Variants in SLC35F3 observed in about 807,000 individuals in gnomAD.
SLC35F3 encodes putative thiamine transporter SLC35F3.
A neutral mutation model predicts 49.9 loss-of-function variants in SLC35F3; 25 were observed. The ratio of observed to expected loss-of-function variants is 0.50; its 90% CI spans 0.37 to 0.70. The LOEUF (loss-of-function observed/expected upper bound fraction) is 0.70. Ranked by LOEUF, SLC35F3 falls within the 30% of genes least tolerant of loss-of-function variation. The pLI is 0.00. For synonymous variants in SLC35F3, 275 were observed against 265.4 expected (o/e 1.04, Z -0.35); for missense variants, 525 against 639.8 (o/e 0.82, Z 1.94).
At chr1:234,176,856 A>G (rs979983599) in intron 2 of SLC35F3, among the ~76,000 whole-genome samples, 20 of 149,828 alleles carry the variant, frequency 1.3e-4, no homozygotes, top group African/African-American at 4.9e-4. Flanking sequence ...GACTACTATA[A>G]CCATGTTCCA....
intron 2 of SLC35F3, among the ~76,000 whole-genome samples, chr1:233,956,475 GGGGAAA>G (rs1177894060): frequency 1.3e-5 from 2 of 152,186 alleles, no homozygotes; most frequent in Non-Finnish European, 2.9e-5. Flanking sequence ...TATGGTTGTG[GGGGAAA>G]GGCAATGTTT....
At chr1:233,994,922 T>C (rs1484173089) in intron 2 of SLC35F3, among the ~76,000 whole-genome samples, 2 of 152,200 alleles carry the variant, frequency 1.3e-5, no homozygotes, top group African/African-American at 4.8e-5. Context: ...ACACAGATTC[T>C]GGAGATAGCT....
In SLC35F3 at chr1:233,957,378, G is replaced by A. The variant is rs1662722213; in HGVS notation, c.283+51620G>A. On this transcript the variant is annotated intron_variant, in intron 2 of 7. Coordinates refer to ENST00000366618, the MANE Select transcript of SLC35F3 (RefSeq NM_173508.4). The surrounding 1 kb of genome is among the most constrained non-coding windows in gnomAD (Gnocchi z 4.0). ...CTGATGCGCTACTCAGTTCATCAGG[G>A]TGTGGGCTCTGTCACCTTTGTAGCC... Among the ~76,000 whole-genome samples, 1 of 152,188 alleles carries A rather than the reference G, an allele frequency of 6.6e-6. No individual in the cohort carries two copies. The highest frequency in any genetic ancestry group is 1.5e-5 in the Non-Finnish European group (1 of 68,024).
At chr1:234,268,873 C>T (rs951665440) in intron 3 of SLC35F3, 1 of 152,264 alleles carries the variant, frequency 6.6e-6, no homozygotes, top group Non-Finnish European at 1.5e-5. Flanking sequence ...CAGATTAATA[C>T]AGTGTGATTC....
intron 2 of SLC35F3, among the ~76,000 whole-genome samples, chr1:234,140,001 A>AAAAAAAT (rs1489476462): frequency 6.3e-5 from 9 of 142,328 alleles, no homozygotes; most frequent in African/African-American, 2.3e-4. Context: ...AAATAAAATA[A>AAAAAAAT]AGTAAGTGAC....
At chr1:234,170,820 G>T (rs901578085) in intron 2 of SLC35F3, among the ~76,000 whole-genome samples, 1 of 151,608 alleles carries the variant, frequency 6.6e-6, no homozygotes, top group East Asian at 1.9e-4. Flanking sequence ...TTGCACGAAC[G>T]CAATTTCCTT....
intron 2 of SLC35F3, among the ~76,000 whole-genome samples, chr1:234,221,590 G>A (rs1202263230): frequency 6.6e-6 from 1 of 152,210 alleles, no homozygotes; most frequent in African/African-American, 2.4e-5. Context: ...ACTTGAAGAG[G>A]TGGGAAAGGG....
At chr1:233,907,566 G>T (rs1485652721) in intron 2 of SLC35F3, among the ~76,000 whole-genome samples, 1 of 152,200 alleles carries the variant, frequency 6.6e-6, no homozygotes, top group African/African-American at 2.4e-5. Flanking sequence ...TTCCTGTGAG[G>T]ATTCTTCTTT....
chr1:234,060,059 A>C (rs1572036285), intron 2 of SLC35F3, among the ~76,000 whole-genome samples: 1 of 152,370 alleles, frequency 6.6e-6, no homozygotes, highest in South Asian at 2.1e-4. Context: ...TAACCGTCAC[A>C]GATCCCAGTG....
Position 234,219,649 on chromosome 1 carries a change from G to A in SLC35F3, c.284-11768G>A, listed in dbSNP as rs865875681. Among the ~76,000 whole-genome samples the A allele has an allele frequency of 6.2e-4, 95 of 152,276 alleles. 1 individual carries two copies. Among genetic ancestry groups the A allele is most frequent in the African/African-American group, 2.0e-3 (83 of 41,560 alleles). On this transcript the variant is annotated intron_variant, in intron 2 of 7. Coordinates refer to ENST00000366618, the MANE Select transcript of SLC35F3 (RefSeq NM_173508.4). ...GGGTGAACTCAGTTCTGGCTGGGAC[G>A]CAGATGGCCCCTGCGCAGCACTCTT... is the stretch of plus-strand genomic sequence containing the variant.
chr1:234,318,029 G>A (rs1273767053), intron 5 of SLC35F3, among the ~76,000 whole-genome samples: 1 of 152,180 alleles, frequency 6.6e-6, no homozygotes, highest in African/African-American at 2.4e-5. Context: ...AATGAGTTGG[G>A]AAATGGCTGA....
At chr1:234,196,864 C>T (rs1328372372) in intron 2 of SLC35F3, among the ~76,000 whole-genome samples, 1 of 152,156 alleles carries the variant, frequency 6.6e-6, no homozygotes, top group Admixed American at 6.5e-5. Flanking sequence ...ATTGCTTGGA[C>T]CTGGGAGGCG....
rs566089449 is a variant in SLC35F3 at position 234,295,975 on chromosome 1, G to A, written c.609-13126G>A. 1.6e-4 allele frequency among the ~76,000 whole-genome samples: 24 copies of A among 152,356 alleles called. 1 individual carries two copies. Among genetic ancestry groups the A allele is most frequent in the Middle Eastern group, 6.8e-3 (2 of 294 alleles). On this transcript the variant is annotated intron_variant, in intron 3 of 7. Coordinates refer to ENST00000366618, the MANE Select transcript of SLC35F3 (RefSeq NM_173508.4). ...GGATATAAATGCTGTTGGATCATGT[G>A]TTATACAAATGTATTCCTGGTTCAT...
intron 3 of SLC35F3, among the ~76,000 whole-genome samples, chr1:234,257,966 C>G (rs1173420242): frequency 2.0e-5 from 3 of 152,116 alleles, no homozygotes; most frequent in Admixed American, 6.5e-5. Flanking sequence ...TACAGGAAAC[C>G]CTTGGTTTTG....
At chr1:234,017,643 G>A (rs1663823683) in intron 2 of SLC35F3, among the ~76,000 whole-genome samples, 2 of 150,550 alleles carry the variant, frequency 1.3e-5, no homozygotes, top group South Asian at 4.3e-4. Flanking sequence ...GAACCCATGA[G>A]GCGGAGCTTG....
chr1:234,269,181 CATT>C (rs1406505616), intron 3 of SLC35F3, among the ~76,000 whole-genome samples: 4 of 152,104 alleles, frequency 2.6e-5, no homozygotes, highest in Admixed American at 6.5e-5. Flanking sequence ...AAGAATATTT[CATT>C]TAATATTTTA....
At position 234,232,879 on chromosome 1, in the gene SLC35F3, G is replaced by A. The variant is rs79413213; in HGVS notation, c.608+1138G>A. On this transcript the variant is annotated intron_variant, in intron 3 of 7. Coordinates refer to ENST00000366618, the MANE Select transcript of SLC35F3 (RefSeq NM_173508.4). ...CCTGTAAACTTGTAGCTGGAAGTAC[G>A]GGTGTGATACTTTTTTAATGTTCAG... Among the ~76,000 whole-genome samples, 105 of 152,260 alleles carry A rather than the reference G, an allele frequency of 6.9e-4. No individual in the cohort carries two copies. In the East Asian group the frequency reaches 0.018, roughly 26 times the overall value.
At chr1:233,920,847 CA>C (rs1386663897) in intron 2 of SLC35F3, among the ~76,000 whole-genome samples, 6 of 144,300 alleles carry the variant, frequency 4.2e-5, no homozygotes, top group African/African-American at 1.8e-4. Context: ...CAAGAGCCAG[CA>C]AAAATCTGAA....
chr1:234,056,974 G>GTAT (rs1196711450), intron 2 of SLC35F3, among the ~76,000 whole-genome samples: 1 of 152,196 alleles, frequency 6.6e-6, no homozygotes, highest in African/African-American at 2.4e-5. Context: ...AACCATAGAT[G>GTAT]TATGGGTTTA....
Sources: allele counts gnomAD v4.1 joint callset (sites outside exome capture counted in the v4.1 genomes callset), GRCh38; gene constraint gnomAD v4.1.1; non-coding constraint Gnocchi (gnomAD v3.1); transcripts MANE v1.5; gene names NCBI Gene and HGNC (gene_info 2026-07-23, HGNC 2026-07-21).